The following NDRG4 variants were observed in gnomAD, a reference collection of about 807,000 sequenced individuals.
NDRG4 encodes the protein NDRG family member 4, also known as protein NDRG4.
A neutral mutation model predicts 55.8 loss-of-function variants in NDRG4; 38 were observed. The ratio of observed to expected loss-of-function variants is 0.68; its 90% confidence interval spans 0.53 to 0.89. The LOEUF (loss-of-function observed/expected upper bound fraction) is 0.89. Ranked by LOEUF, NDRG4 falls within the 40% of genes least tolerant of loss-of-function variation. NDRG4 has a pLI of 0.00. For missense variants in NDRG4, 455 were observed against 468.6 expected (o/e 0.97, Z 0.27); for synonymous variants, 190 against 182.7 (o/e 1.04, Z -0.32).
chr16:58,480,811 C>A (rs553201138), intron 1 of NDRG4, among the ~76,000 whole-genome samples: 1 of 152,186 alleles, frequency 6.6e-6, no homozygotes, highest in East Asian at 1.9e-4. Flanking sequence ...GATAGAGTCC[C>A]AGCCTGGCCA....
chr16:58,497,561 TA>T (rs11286739), upstream of NDRG4, among the ~76,000 whole-genome samples: 100,920 of 152,042 alleles, frequency 0.66, 33,684 homozygotes, highest in East Asian at 0.77. Context: ...CCATGAGGAT[TA>T]TATGTATTAT....
intron 14 of NDRG4, 21 bp downstream of exon 14, chr16:58,510,704 CT>C (rs2038691190): frequency 6.5e-7 from 1 of 1,535,392 alleles, no homozygotes; most frequent in Non-Finnish European, 8.7e-7. Context: ...GGCCCTTCCC[CT>C]GATGCATGGA....
intron 2 of NDRG4, among the ~76,000 whole-genome samples, chr16:58,491,406 G>A (rs1212134422): frequency 4.6e-5 from 7 of 151,682 alleles, no homozygotes; most frequent in African/African-American, 7.3e-5. Context: ...GGCGCTCACA[G>A]ACGATTCTCC....
At chr16:58,495,065 C>T (rs1313845082) in intron 3 of NDRG4, 24 of 1,568,124 alleles carry the variant, frequency 1.5e-5, no homozygotes, top group Non-Finnish European at 1.9e-5. Context: ...GCCCCTCACC[C>T]CACCTGGCCA....
At chr16:58,479,745 C>T (rs59213939) in intron 1 of NDRG4, among the ~76,000 whole-genome samples, 4,268 of 152,262 alleles carry the variant, frequency 0.028, 210 homozygotes, top group African/African-American at 0.097. Flanking sequence ...AACATCCGAG[C>T]GAACAAAACA....
intron 2 of NDRG4, among the ~76,000 whole-genome samples, chr16:58,490,894 T>C (rs761239938): frequency 2.1e-4 from 32 of 152,152 alleles, no homozygotes; most frequent in Non-Finnish European, 4.1e-4. Context: ...GGAGAATCAC[T>C]TGAACCTGGG....
intron 11 of NDRG4, 47 bp from the exon 12 acceptor site, chr16:58,509,107 C>T (rs1165659109): frequency 1.2e-6 from 2 of 1,613,948 alleles, no homozygotes; most frequent in Non-Finnish European, 1.7e-6. Flanking sequence ...GGGAGCTTGT[C>T]CTGGAGTGAG....
chr16:58,505,713 C>CTTTTTTTTTTTTTTTTTTT (rs1028370131), intron 5 of NDRG4, among the ~76,000 whole-genome samples: 7 of 58,658 alleles, frequency 1.2e-4, no homozygotes, highest in African/African-American at 5.4e-4. Flanking sequence ...GCTTCATTTT[C>CTTTTTTTTTTTTTTTTTTT]TTTTTTTTTT....
In NDRG4 at chr16:58,470,907, C is replaced by CA. The variant is rs58487534; in HGVS notation, c.-24+7130dup. On this transcript the variant is annotated intron_variant, in intron 1 of 15. Transcript: ENST00000258187. ...GAGCAACAGAGCAAGACACCATCTC[C>CA]AAAAAAAAAAAAAAAAAAAAGAGGG... 6.3e-3 allele frequency among the ~76,000 whole-genome samples: 832 copies of CA among 132,896 alleles called. 8 individuals are homozygous for CA. Among genetic ancestry groups the CA allele is most frequent in the Non-Finnish European group, 9.7e-3 (616 of 63,722 alleles). 87.2% of individuals were successfully genotyped at this position (132,896 alleles called of 152,430 possible).
chr16:58,507,776 C>A, intron 8 of NDRG4, 32 bp from the exon 9 acceptor site: 1 of 1,609,784 alleles, frequency 6.2e-7, no homozygotes, highest in African/African-American at 1.3e-5. Context: ...GGGGTGCCCA[C>A]CTCTGCCTCT....
intron 8 of NDRG4, 84 bp downstream of exon 8, chr16:58,507,099 C>CA: frequency 9.4e-7 from 1 of 1,067,864 alleles, no homozygotes; most frequent in Non-Finnish European, 1.4e-6. Context: ...GGCAGGCAGA[C>CA]AACACCCTTG....
chr16:58,493,988 G>A (rs907482886), intron 2 of NDRG4, among the ~76,000 whole-genome samples: 6 of 152,190 alleles, frequency 3.9e-5, no homozygotes, highest in Admixed American at 2.6e-4. Context: ...CAACTCAGAC[G>A]CGGGGTTCCA....
chr16:58,504,106 A>G (rs200405751), intron 2 of NDRG4, 48 bp from the exon 3 acceptor site: 379 of 1,608,930 alleles, frequency 2.4e-4, no homozygotes, highest in Middle Eastern at 8.7e-4. Flanking sequence ...CCTTCCTTCC[A>G]GTCCCCCGGC....
upstream of NDRG4, among the ~76,000 whole-genome samples, chr16:58,495,882 C>T (rs1261697051): frequency 6.6e-6 from 1 of 152,108 alleles, no homozygotes; most frequent in East Asian, 1.9e-4. Context: ...GCTAGGGTTC[C>T]GGCAGTGGGG....
chr16:58,490,257 C>T (rs529600178), intron 2 of NDRG4, among the ~76,000 whole-genome samples: 8 of 152,304 alleles, frequency 5.3e-5, no homozygotes, highest in East Asian at 1.9e-4. Context: ...GTGCAGGTTG[C>T]GGGACAGCCG....
At chr16:58,498,082 G>T (rs543060770), upstream of NDRG4, among the ~76,000 whole-genome samples, 17 of 152,212 alleles carry the variant, frequency 1.1e-4, no homozygotes, top group South Asian at 1.7e-3. Context: ...GGGCAGTGTC[G>T]CAGGTCAGCT....
chr16:58,509,072 GT>G (rs1353676141), intron 11 of NDRG4, 63 bp downstream of exon 11: 11 of 1,613,956 alleles, frequency 6.8e-6, no homozygotes, highest in Non-Finnish European at 8.5e-6. Context: ...TCAGGGAGGT[GT>G]TTTCCTGGGG....
chr16:58,511,052 A>G (rs1005363570), intron 14 of NDRG4: 2 of 467,178 alleles, frequency 4.3e-6, no homozygotes, highest in African/African-American at 3.9e-5. Flanking sequence ...GAAACTCTGA[A>G]TTAGGGAATT....
At chr16:58,508,829 T>G (rs1278569399) in intron 10 of NDRG4, 133 bp from the exon 11 acceptor site, 1 of 909,094 alleles carries the variant, frequency 1.1e-6, no homozygotes, top group Admixed American at 2.1e-5. Flanking sequence ...AGGAGCAGCC[T>G]GTCACAGCTG....
Sources: gnomAD v4.1 joint callset for allele counts (sites outside exome capture counted in the v4.1 genomes callset) on GRCh38, gnomAD v4.1.1 for gene constraint, MANE v1.5 for transcripts, NCBI Gene and HGNC (gene_info 2026-07-23, HGNC 2026-07-21) for gene names.